SEMA6D: variants seen among roughly 807,000 people sequenced by gnomAD.
SEMA6D encodes the protein semaphorin-6D.
A neutral mutation model predicts 106.6 loss-of-function variants in SEMA6D; 35 were observed. That is an observed-to-expected ratio of 0.33 (90% CI 0.25 to 0.44). The LOEUF is 0.44. Ranked by LOEUF, SEMA6D falls within the 20% of genes least tolerant of loss-of-function variation. The pLI is 1.00. For missense variants in SEMA6D, 1,185 were observed against 1,345.9 expected, an observed-to-expected ratio of 0.88 and a Z score of 1.87; for synonymous variants, 499 against 487.7, an observed-to-expected ratio of 1.02 and a Z score of -0.31.
At chr15:47,245,265 A>G (rs2033138840) in intron 1 of SEMA6D, among the ~76,000 whole-genome samples, 1 of 152,198 alleles carries the variant, frequency 6.6e-6, no homozygotes, top group African/African-American at 2.4e-5. Flanking sequence ...AAGTTCTTTG[A>G]GAAATCTTCA....
At chr15:47,737,621 T>C (rs1280267289) in intron 1 of SEMA6D, among the ~76,000 whole-genome samples, 1 of 152,174 alleles carries the variant, frequency 6.6e-6, no homozygotes, top group East Asian at 1.9e-4. Flanking sequence ...ATTATTATTA[T>C]CTGAATGATT....
intron 3 of SEMA6D, among the ~76,000 whole-genome samples, chr15:47,517,267 C>T (rs2044418900): frequency 6.6e-6 from 1 of 151,970 alleles, no homozygotes; most frequent in Admixed American, 6.6e-5. Context: ...CAGGGGTTTT[C>T]AAGATGGGTA....
At chr15:47,223,886 T>C (rs1325826321) in intron 1 of SEMA6D, among the ~76,000 whole-genome samples, 1 of 152,136 alleles carries the variant, frequency 6.6e-6, no homozygotes, top group African/African-American at 2.4e-5. Flanking sequence ...TGAAATAATG[T>C]CTATTATAAT....
chr15:47,694,997 A>G (rs533788009), intron 4 of SEMA6D, among the ~76,000 whole-genome samples: 1 of 152,276 alleles, frequency 6.6e-6, no homozygotes, highest in Non-Finnish European at 1.5e-5. Flanking sequence ...ATTAAAGTCA[A>G]TATGGATGGA....
intron 3 of SEMA6D, among the ~76,000 whole-genome samples, chr15:47,565,383 C>G (rs2046200247): frequency 6.6e-6 from 1 of 152,178 alleles, no homozygotes; most frequent in Non-Finnish European, 1.5e-5. Flanking sequence ...AAGGGGCCAG[C>G]TGGTTCCAGC....
At chr15:47,228,008 TA>T (rs200778021) in intron 1 of SEMA6D, among the ~76,000 whole-genome samples, 58,188 of 101,844 alleles carry the variant, frequency 0.57, 13,449 homozygotes, top group Middle Eastern at 0.69. Flanking sequence ...ATTTTATATA[TA>T]TAAGAATCAT....
At chr15:47,730,003 C>T in intron 1 of SEMA6D, 1 of 520,746 alleles carries the variant, frequency 1.9e-6, no homozygotes, top group South Asian at 2.5e-5. Flanking sequence ...ATATGACCTC[C>T]AGAGTTCTTT....
rs1824911500 is a variant in SEMA6D at position 47,396,896 on chromosome 15, A to G, written c.-238-15497A>G. On this transcript the variant is annotated intron_variant, in intron 1 of 19. Coordinates refer to the SEMA6D transcript ENST00000558014. ...GCCGGCATATTAAAGGTACTAAAAT[A>G]TCAAGATTGGCCTTTGATCTGTGTC... 2.0e-5 allele frequency among the ~76,000 whole-genome samples: 3 copies of G among 152,210 alleles called. No homozygotes were observed. In the South Asian group the frequency reaches 6.2e-4, roughly 32 times the overall value.
chr15:47,235,051 A>G (rs1182931628), intron 1 of SEMA6D, among the ~76,000 whole-genome samples: 1 of 152,002 alleles, frequency 6.6e-6, no homozygotes, highest in African/African-American at 2.4e-5. Context: ...TGATTGGGAT[A>G]AGATGGTATC....
chr15:47,203,292 G>C (rs1371111559), intron 1 of SEMA6D, among the ~76,000 whole-genome samples: 2 of 152,024 alleles, frequency 1.3e-5, no homozygotes, highest in East Asian at 3.9e-4. Context: ...TTTCTTATCT[G>C]ACTAAGAAAG....
intron 2 of SEMA6D, among the ~76,000 whole-genome samples, chr15:47,452,060 T>C (rs554677561): frequency 2.6e-5 from 4 of 152,148 alleles, no homozygotes; most frequent in African/African-American, 9.6e-5. Flanking sequence ...AGACCTCAGT[T>C]ACTACTTCTT....
chr15:47,296,335 A>G (rs578043786), intron 1 of SEMA6D, among the ~76,000 whole-genome samples: 2 of 152,326 alleles, frequency 1.3e-5, no homozygotes, highest in African/African-American at 4.8e-5. Flanking sequence ...TTTTAGAAAT[A>G]GCAGTTGCCA....
At chr15:47,584,769 C>G (rs1170896150) in intron 3 of SEMA6D, among the ~76,000 whole-genome samples, 1 of 152,268 alleles carries the variant, frequency 6.6e-6, no homozygotes, top group African/African-American at 2.4e-5. Flanking sequence ...GGCAAAGCAG[C>G]CTTCTGGGGA....
intron 4 of SEMA6D, among the ~76,000 whole-genome samples, chr15:47,707,867 T>A (rs1210583511): frequency 6.6e-6 from 1 of 152,174 alleles, no homozygotes; most frequent in Non-Finnish European, 1.5e-5. Context: ...TATCCCCCCA[T>A]TAACCTTTTC....
intron 2 of SEMA6D, among the ~76,000 whole-genome samples, chr15:47,451,142 A>G (rs908529713): frequency 1.3e-5 from 2 of 152,108 alleles, no homozygotes; most frequent in African/African-American, 4.8e-5. Context: ...TATGAGATAT[A>G]TCTACCTGGT....
intron 1 of SEMA6D, among the ~76,000 whole-genome samples, chr15:47,355,634 C>T (rs1425546628): frequency 1.3e-5 from 2 of 152,192 alleles, no homozygotes; most frequent in African/African-American, 4.8e-5. Context: ...TATCCATGTG[C>T]TTTTTCTCTT....
chr15:47,423,317 T>G (rs2041230629), intron 2 of SEMA6D, among the ~76,000 whole-genome samples: 1 of 151,866 alleles, frequency 6.6e-6, no homozygotes, highest in East Asian at 1.9e-4. Context: ...TCAGACTTAC[T>G]CCATTGATAA....
chr15:47,509,786 A>G (rs1424278677), intron 3 of SEMA6D, among the ~76,000 whole-genome samples: 1 of 152,212 alleles, frequency 6.6e-6, no homozygotes, highest in East Asian at 1.9e-4. Flanking sequence ...AGGAACATCA[A>G]CATCACCTAG....
At chr15:47,248,118 A>G (rs558007740) in intron 1 of SEMA6D, among the ~76,000 whole-genome samples, 28 of 152,364 alleles carry the variant, frequency 1.8e-4, no homozygotes, top group African/African-American at 6.5e-4. Context: ...AAACATAGCC[A>G]TGAACCCAGT....
Sources: allele counts gnomAD v4.1 joint callset (sites outside exome capture counted in the v4.1 genomes callset), GRCh38; gene constraint gnomAD v4.1.1; transcripts MANE v1.5; gene names NCBI Gene and HGNC (gene_info 2026-07-23, HGNC 2026-07-21).